PIEZO1: variants seen among roughly 807,000 people sequenced by gnomAD.
The protein encoded by PIEZO1 is piezo type mechanosensitive ion channel component 1 (Er blood group), also known as piezo-type mechanosensitive ion channel component 1.
A neutral mutation model predicts 297.2 loss-of-function variants in PIEZO1; 296 were observed. The ratio of observed to expected loss-of-function variants is 1.00; its 90% confidence interval spans 0.91 to 1.10. PIEZO1 has a LOEUF of 1.10. Ranked by LOEUF, PIEZO1 falls within the 50% of genes least tolerant of loss-of-function variation. The pLI, the probability that PIEZO1 is intolerant of heterozygous loss-of-function variation, is 0.00. For missense variants in PIEZO1, 5,018 were observed against 3,455.5 expected, an observed-to-expected ratio of 1.45 and a Z score of -11.34; for synonymous variants, 2,427 against 1,507.5, an observed-to-expected ratio of 1.61 and a Z score of -14.13.
At chr16:88,736,852 C>T (rs1260186224) in intron 10 of PIEZO1, 113 bp from the exon 11 acceptor site, 1 of 643,844 alleles carries the variant, frequency 1.6e-6, no homozygotes, top group Non-Finnish European at 2.6e-6. Flanking sequence ...AGACAGGCCC[C>T]CGGTGGGCTA....
chr16:88,773,539 G>T (rs1219910611), intron 1 of PIEZO1, among the ~76,000 whole-genome samples: 3 of 152,236 alleles, frequency 2.0e-5, no homozygotes. Flanking sequence ...AAAAACCCTG[G>T]GGGCTCAAGG....
chr16:88,762,227 T>A lies in PIEZO1; in HGVS notation c.65-12748A>T, dbSNP rs113980011. Among the ~76,000 whole-genome samples, 7 of 145,278 alleles carry A rather than the reference T, an allele frequency of 4.8e-5. 1 individual carries two copies. The highest frequency in any genetic ancestry group is 1.7e-4 in the African/African-American group (7 of 40,266). Reference sequence around the variant, plus strand: ...TCCCGGCCCACCCAGAGCTCAGGGGTCTGGGCAGAGCCCAGCTGAAGAAAG... The same window carrying A: ...TCCCGGCCCACCCAGAGCTCAGGGGACTGGGCAGAGCCCAGCTGAAGAAAG... On this transcript the variant is annotated intron_variant, in intron 1 of 50. Transcript: ENST00000301015.
intron 22 of PIEZO1, chr16:88,731,480 A>G (rs985517425): frequency 1.8e-5 from 10 of 566,480 alleles, no homozygotes; most frequent in Non-Finnish European, 3.1e-5. Context: ...AATACTGGGC[A>G]AAAAAGGAAA....
chr16:88,738,152 G>A (rs1457464851), intron 7 of PIEZO1, 47 bp from the exon 8 acceptor site: 1 of 1,533,554 alleles, frequency 6.5e-7, no homozygotes, highest in East Asian at 2.4e-5. Context: ...GAGGCAGTGG[G>A]GCCACAGGGG....
chr16:88,722,964 A>T lies in PIEZO1; in HGVS notation c.4541T>A (p.Leu1514Gln). The T allele has an allele frequency of 6.5e-7, 1 of 1,541,958 alleles. No individual in the cohort carries two copies. Among genetic ancestry groups the T allele is most frequent in the Non-Finnish European group, 8.8e-7 (1 of 1,142,592 alleles). Residue 1514 changes from leucine to glutamine, a missense_variant, in exon 34 of 51, where the codon CTG becomes CAG. Transcript: ENST00000301015. ...CACTAGCGCCTGCCCCAGCATCCAC[A>T]GGAACTGCGCCGTGCTCAGCACCCT... ...VQRVLSTAQF[L>Q]WMLGQALVDE...
chr16:88,785,090 C>G lies in PIEZO1; in HGVS notation c.-126G>C. On this transcript the variant is annotated 5_prime_UTR_variant, in exon 1 of 51. Transcript: ENST00000301015. The stretch of plus-strand genomic sequence containing the variant: ...GACCCGCGCGCCGCCTTCTCCTCTT[C>G]CTCCTTCTCCTTCGGCCGCCCCGCC... 1 of 484,976 alleles carries G rather than the reference C, an allele frequency of 2.1e-6. No individual in the cohort carries two copies. Among genetic ancestry groups the G allele is most frequent in the South Asian group, 1.0e-4 (1 of 9,994 alleles). The allele number at this position is 484,976 out of a possible 1,614,324, so 30.0% of individuals were successfully genotyped here. A position where few individuals can be genotyped will look rare whatever the true frequency, so the allele number is the denominator to read the frequency against.
chr16:88,720,520 T>A lies in PIEZO1; in HGVS notation c.5814A>T (p.Thr1938=). Residue 1938 remains threonine (T), a synonymous_variant, in exon 41 of 51, where the codon ACA becomes ACT. Transcript: ENST00000301015. ...QGFCLSLAQG[T]YRPLRRFFHD... is the part of the protein sequence containing the mutation. Reference sequence around the variant, plus strand: ...GGAAGAAGCGCCGTAGCGGCCGATATGTGCCCTGGGCCCTGCGGAAGGGGG... The same window carrying A: ...GGAAGAAGCGCCGTAGCGGCCGATAAGTGCCCTGGGCCCTGCGGAAGGGGG... 1 of 1,550,106 alleles carries A rather than the reference T, an allele frequency of 6.5e-7. No individual in the cohort carries two copies. Among genetic ancestry groups the A allele is most frequent in the Non-Finnish European group, 8.7e-7 (1 of 1,146,936 alleles).
intron 1 of PIEZO1, among the ~76,000 whole-genome samples, chr16:88,778,649 A>G (rs114782075): frequency 8.7e-4 from 133 of 152,304 alleles, no homozygotes; most frequent in African/African-American, 3.1e-3. Context: ...CAGCGTCCCC[A>G]TGGGCCCGGC....
At chr16:88,749,336 CCCA>C (rs1294789387) in intron 2 of PIEZO1, 45 bp downstream of exon 2, 1 of 1,280,782 alleles carries the variant, frequency 7.8e-7, no homozygotes, top group Admixed American at 3.3e-5. Flanking sequence ...CAAACGAATG[CCCA>C]CCCCCTCCCA....
intron 22 of PIEZO1, 118 bp from the exon 23 acceptor site, chr16:88,727,779 G>A (rs1904559882): frequency 2.0e-6 from 1 of 488,760 alleles, no homozygotes; most frequent in Non-Finnish European, 3.7e-6. Context: ...GAATCACCTC[G>A]CGCACACCTG....
chr16:88,742,258 C>G (rs1475522209), intron 3 of PIEZO1, 42 bp downstream of exon 3: 1 of 1,519,382 alleles, frequency 6.6e-7, no homozygotes, highest in Admixed American at 2.0e-5. Context: ...TCTCCCTGAC[C>G]CCCAGGATGG....
At chr16:88,727,511 ACT>A in intron 23 of PIEZO1, 44 bp downstream of exon 23, 2 of 714,800 alleles carry the variant, frequency 2.8e-6, no homozygotes, top group South Asian at 1.9e-5. Context: ...GCGTGAATGT[ACT>A]CTGAGGGTCC....
intron 11 of PIEZO1, 62 bp downstream of exon 11, chr16:88,736,577 G>T: frequency 7.1e-7 from 1 of 1,409,824 alleles, no homozygotes; most frequent in Non-Finnish European, 9.4e-7. Context: ...ACCCCACCCA[G>T]GCGATGCCCC....
chr16:88,770,993 TGCAGGCGGGGCCTGGGCGGA>T (rs1247749832), intron 1 of PIEZO1, among the ~76,000 whole-genome samples: 1 of 152,234 alleles, frequency 6.6e-6, no homozygotes. Flanking sequence ...CCCTCTCATC[TGCAGGCGGGGCCTGGGCGGA>T]GCAGCTCCAC....
intron 1 of PIEZO1, among the ~76,000 whole-genome samples, chr16:88,768,241 C>T (rs1189656359): frequency 6.6e-6 from 1 of 152,222 alleles, no homozygotes; most frequent in Non-Finnish European, 1.5e-5. Context: ...GCAGCCCCTC[C>T]CCCCACATCC....
At chr16:88,755,817 G>A (rs1336198382) in intron 1 of PIEZO1, among the ~76,000 whole-genome samples, 1 of 152,252 alleles carries the variant, frequency 6.6e-6, no homozygotes, top group South Asian at 2.1e-4. Flanking sequence ...GCGGTGGACA[G>A]GTGGGGACCG....
In PIEZO1 at chr16:88,726,928, G is replaced by A. The variant is rs1339906805; in HGVS notation, c.3486C>T (p.Val1162=). The A allele has an allele frequency of 6.4e-7, 1 of 1,550,446 alleles. No individual in the cohort carries two copies. The highest frequency in any genetic ancestry group is 8.7e-7 in the Non-Finnish European group (1 of 1,146,892). ...GCACCAGCCAGAACAGGTATCGGAAGACGGCCACCTTCAGCATGTCAAGGT... is the reference window on the plus strand; with the variant it reads ...GCACCAGCCAGAACAGGTATCGGAAAACGGCCACCTTCAGCATGTCAAGGT... ...RSYLDMLKVA[V]FRYLFWLVLV... is the part of the protein sequence containing the mutation. The change falls in exon 25 of 51, where the codon GTC becomes GTT. Residue 1162 remains valine, a synonymous_variant. Transcript: ENST00000301015.
At position 88,722,104 on chromosome 16, in the gene PIEZO1, TGCCCGAAGGCATGACG is replaced by T. The variant is rs1184968874; in HGVS notation, c.4956-54_4956-39del. The T allele has an allele frequency of 1.3e-6, 2 of 1,532,846 alleles. 1 individual carries two copies. Among genetic ancestry groups the T allele is most frequent in the Middle Eastern group, 4.6e-4 (2 of 4,356 alleles). 95.0% of individuals were successfully genotyped at this position (1,532,846 alleles called of 1,614,324 possible). A position where few individuals can be genotyped will look rare whatever the true frequency, so the allele number is the denominator to read the frequency against. On this transcript the variant is annotated intron_variant, in intron 36 of 50. Coordinates refer to ENST00000301015, the MANE Select transcript of PIEZO1 (RefSeq NM_001142864.4). ...CCGCGTGTTTGGGGGAGTCTGGGAC[TGCCCGAAGGCATGACG>T]GCCCGATCTGTTGCCGGTCACAGTC...
chr16:88,715,425 C>G lies in PIEZO1; in HGVS notation c.*180G>C. ...GTGGGGGACGGCAGCGCCACGCAGG[C>G]CGTGGGGACGCAGTGTCCTTCTCTG... is the stretch of plus-strand genomic sequence containing the variant. On this transcript the variant is annotated 3_prime_UTR_variant, in exon 51 of 51. Coordinates refer to ENST00000301015, the MANE Select transcript of PIEZO1 (RefSeq NM_001142864.4). The G allele has an allele frequency of 1.1e-6, 1 of 924,502 alleles. No individual in the cohort carries two copies. The highest frequency in any genetic ancestry group is 1.6e-6 in the Non-Finnish European group (1 of 624,882). 57.3% of individuals were successfully genotyped at this position (924,502 alleles called of 1,614,324 possible).
Sources: gnomAD v4.1 joint callset for allele counts (sites outside exome capture counted in the v4.1 genomes callset) on GRCh38, gnomAD v4.1.1 for gene constraint, MANE v1.5 for transcripts, NCBI Gene and HGNC (gene_info 2026-07-23, HGNC 2026-07-21) for gene names.